Variants in ACAD10 observed in about 807,000 individuals in gnomAD.
The protein encoded by ACAD10 is acyl-CoA dehydrogenase family member 10.
In ACAD10, 112 loss-of-function variants were observed where a neutral mutation model predicts 116.8. The ratio of observed to expected loss-of-function variants is 0.96; its 90% CI spans 0.82 to 1.12. ACAD10 has a LOEUF of 1.12. ACAD10 is among the 50% of genes most tolerant of loss of function. The probability of loss-of-function intolerance (pLI) is 0.00; values close to 1 mark genes in which losing one functional copy is unlikely to be tolerated. For synonymous variants in ACAD10, 486 were observed against 510.6 expected, an observed-to-expected ratio of 0.95 and a Z score of 0.65; for missense variants, 1,259 against 1,350.2, an observed-to-expected ratio of 0.93 and a Z score of 1.06.
At position 111,749,074 on chromosome 12, in the gene ACAD10, G is replaced by A. The variant is rs372094155; in HGVS notation, c.2645-99G>A. The A allele has an allele frequency of 3.8e-4, 616 of 1,613,440 alleles. 1 individual carries two copies. The Middle Eastern group carries it at 4.1e-3, about 11-fold the overall frequency. ...AGTAAGAAGGCTAAATAAAGGGCAG[G>A]GACATTGCCAGCAGATAACCCAGAC... On this transcript the variant is annotated intron_variant, in intron 17 of 20. Coordinates refer to ENST00000313698, the MANE Select transcript of ACAD10 (RefSeq NM_025247.6).
At chr12:111,719,675 C>T (rs1888958910) in intron 7 of ACAD10, among the ~76,000 whole-genome samples, 1 of 152,142 alleles carries the variant, frequency 6.6e-6, no homozygotes, top group Admixed American at 6.5e-5. Flanking sequence ...GCCTCAGCCT[C>T]CTAAGTAGGT....
intron 7 of ACAD10, among the ~76,000 whole-genome samples, chr12:111,720,715 T>G (rs1277968495): frequency 1.3e-5 from 2 of 152,176 alleles, no homozygotes; most frequent in Non-Finnish European, 2.9e-5. Context: ...CATCATATAA[T>G]TAGGTCATGT....
intron 12 of ACAD10, among the ~76,000 whole-genome samples, chr12:111,739,793 A>T (rs1889677346): frequency 6.6e-6 from 1 of 152,020 alleles, no homozygotes; most frequent in Non-Finnish European, 1.5e-5. Context: ...GAGAGACTTA[A>T]AAGATACGTT....
intron 10 of ACAD10, among the ~76,000 whole-genome samples, chr12:111,731,847 C>T (rs1173412074): frequency 6.6e-6 from 1 of 152,092 alleles, no homozygotes; most frequent in Non-Finnish European, 1.5e-5. Flanking sequence ...CTTTGGGAGG[C>T]GAAAGCGGGC....
chr12:111,693,832 C>G (rs1566139839), intron 2 of ACAD10, among the ~76,000 whole-genome samples: 1 of 152,152 alleles, frequency 6.6e-6, no homozygotes, highest in Non-Finnish European at 1.5e-5. Context: ...GTGACTGAAA[C>G]AAGCTAGAAG....
intron 2 of ACAD10, among the ~76,000 whole-genome samples, chr12:111,701,164 A>G (rs977077823): frequency 6.6e-6 from 1 of 152,220 alleles, no homozygotes; most frequent in South Asian, 2.1e-4. Flanking sequence ...TAATTCCAAA[A>G]CAAAAGCTAT....
intron 18 of ACAD10, among the ~76,000 whole-genome samples, chr12:111,750,838 G>C (rs1025294022): frequency 2.6e-5 from 4 of 152,196 alleles, no homozygotes; most frequent in Non-Finnish European, 5.9e-5. Context: ...ACCAAAACCA[G>C]TGTCTCACAA....
intron 12 of ACAD10, among the ~76,000 whole-genome samples, chr12:111,742,608 C>G (rs1184597604): frequency 1.3e-5 from 2 of 152,074 alleles, no homozygotes; most frequent in Admixed American, 6.6e-5. Context: ...GCCTGTAATC[C>G]CAGCAGTTTG....
At chr12:111,695,741 C>T (rs1180201759) in intron 2 of ACAD10, among the ~76,000 whole-genome samples, 3 of 152,036 alleles carry the variant, frequency 2.0e-5, no homozygotes, top group East Asian at 1.9e-4. Flanking sequence ...TGGCCAGGTG[C>T]GGTGGCTCAT....
chr12:111,714,128 C>T (rs1010162696), intron 6 of ACAD10, among the ~76,000 whole-genome samples: 1 of 151,608 alleles, frequency 6.6e-6, no homozygotes, highest in Non-Finnish European at 1.5e-5. Flanking sequence ...GCCTGTAGCC[C>T]CAGCTACTTG....
At chr12:111,723,018 ACC>A (rs761816539) in intron 8 of ACAD10, among the ~76,000 whole-genome samples, 20 of 90,504 alleles carry the variant, frequency 2.2e-4, no homozygotes, top group Admixed American at 8.4e-4. Flanking sequence ...CGGGGGGCTG[ACC>A]CCCCCCCACC....
chr12:111,749,100 T>A (rs1345989951), intron 17 of ACAD10, 73 bp from the exon 18 acceptor site: 2 of 1,613,694 alleles, frequency 1.2e-6, no homozygotes, highest in Non-Finnish European at 1.7e-6. Flanking sequence ...TAACCCAGAC[T>A]GAGGTGAGGA....
At chr12:111,750,756 A>C (rs1052412518) in intron 18 of ACAD10, among the ~76,000 whole-genome samples, 1 of 152,150 alleles carries the variant, frequency 6.6e-6, no homozygotes, top group Non-Finnish European at 1.5e-5. Flanking sequence ...CCTAGGTTAA[A>C]AGACAGCTGC....
rs1388260845 is a variant in ACAD10 at position 111,733,979 on chromosome 12, G to A, written c.1451G>A (p.Trp484Ter). The A allele has an allele frequency of 1.9e-6, 3 of 1,614,232 alleles. No individual in the cohort carries two copies. The Admixed American group carries it at 5.0e-5, about 27-fold the overall frequency. Residue 484 changes from tryptophan to a stop codon, truncating the protein, a stop_gained, in exon 11 of 21, where the codon TGG becomes TAG. Coordinates refer to ENST00000313698, the MANE Select transcript of ACAD10 (RefSeq NM_025247.6). LOFTEE classifies it high-confidence loss of function. The part of the protein sequence containing the change: ...EEPEVLAVLD[W>*]ELSTLGDPLA... ...CCAGAGGTGCTTGCTGTCCTTGACT[G>A]GGAACTTTCTACCTTGGGCGACCCC...
At chr12:111,710,948 T>G (rs142049639) in intron 5 of ACAD10, among the ~76,000 whole-genome samples, 1 of 152,080 alleles carries the variant, frequency 6.6e-6, no homozygotes, top group African/African-American at 2.4e-5. Context: ...CTCTGCAGGA[T>G]AGAAAGTTCA....
intron 12 of ACAD10, among the ~76,000 whole-genome samples, chr12:111,740,739 T>G (rs115544233): frequency 0.015 from 2,125 of 144,790 alleles, 64 homozygotes; most frequent in African/African-American, 0.052. Flanking sequence ...CCGAGATTGC[T>G]TCACTGTTCA....
intron 2 of ACAD10, among the ~76,000 whole-genome samples, chr12:111,697,999 C>CTT (rs751374077): frequency 7.5e-6 from 1 of 132,678 alleles, no homozygotes; most frequent in African/African-American, 2.8e-5. Context: ...AGGTTGCGCC[C>CTT]TTTTTTTTTT....
intron 8 of ACAD10, 48 bp downstream of exon 8, chr12:111,721,787 A>G (rs1168619821): frequency 1.3e-6 from 2 of 1,496,794 alleles, no homozygotes; most frequent in Admixed American, 3.8e-5. Flanking sequence ...TACAGGAGAG[A>G]AAAGCCCATA....
At chr12:111,741,591 T>G (rs2135985381) in intron 12 of ACAD10, among the ~76,000 whole-genome samples, 1 of 152,320 alleles carries the variant, frequency 6.6e-6, no homozygotes, top group African/African-American at 2.4e-5. Flanking sequence ...TTTATTCCTC[T>G]TATCTTACTG....
Sources: allele counts gnomAD v4.1 joint callset (sites outside exome capture counted in the v4.1 genomes callset), GRCh38; gene constraint gnomAD v4.1.1; transcripts MANE v1.5; gene names NCBI Gene and HGNC (gene_info 2026-07-23, HGNC 2026-07-21).